The following TBC1D32 variants were observed in gnomAD, a reference collection of about 807,000 sequenced individuals.
TBC1D32 encodes the protein TBC1 domain family member 32.
TBC1D32 carries 151 observed loss-of-function variants against 170.3 expected under a neutral mutation model. The observed-to-expected ratio is 0.89, with a 90% CI of 0.78 to 1.01. The LOEUF is 1.01. Among genes scored for constraint, TBC1D32 ranks in the 50% least tolerant of loss-of-function variants. The probability of loss-of-function intolerance (pLI) is 0.00; values close to 1 mark genes in which losing one functional copy is unlikely to be tolerated. For missense variants in TBC1D32, 1,464 were observed against 1,457.1 expected (o/e 1.00, Z -0.08); for synonymous variants, 498 against 488.0 (o/e 1.02, Z -0.27).
intron 21 of TBC1D32, among the ~76,000 whole-genome samples, chr6:121,220,601 A>C (rs969470647): frequency 2.0e-5 from 3 of 151,500 alleles, no homozygotes; most frequent in Admixed American, 6.6e-5. Context: ...AGCTAAGATA[A>C]TTGATGAAGT....
At chr6:121,099,924 C>CT (rs1228183015) in intron 30 of TBC1D32, among the ~76,000 whole-genome samples, 1 of 151,854 alleles carries the variant, frequency 6.6e-6, no homozygotes, top group East Asian at 1.9e-4. Flanking sequence ...TGGATAGTCT[C>CT]TTTTTAATCA....
rs977925979 is a variant in TBC1D32 at position 121,090,763 on chromosome 6, T to G, written c.3654+90A>C. 5.8e-6 allele frequency: 7 copies of G among 1,197,168 alleles called. No homozygotes were observed. In the African/African-American group the frequency reaches 1.1e-4, roughly 18 times the overall value. The allele number at this position is 1,197,168 out of a possible 1,614,324, so 74.2% of individuals were successfully genotyped here. Reference sequence around the variant, plus strand: ...TACCTCTCACCATTGGTTTTTAGGATTAAATGAGTGCCTAGAAAAAGTATC... The same window carrying G: ...TACCTCTCACCATTGGTTTTTAGGAGTAAATGAGTGCCTAGAAAAAGTATC... On this transcript the variant is annotated intron_variant, in intron 31 of 31. Coordinates refer to ENST00000398212, the MANE Select transcript of TBC1D32 (RefSeq NM_152730.6).
At chr6:121,277,469 C>A (rs1302051447) in intron 15 of TBC1D32, among the ~76,000 whole-genome samples, 11 of 100,276 alleles carry the variant, frequency 1.1e-4, no homozygotes, top group Non-Finnish European at 1.1e-4. Context: ...GCCTGGGCGA[C>A]AGAGAAAGAC....
Position 121,279,221 on chromosome 6 carries a change from C to T in TBC1D32, c.1633G>A (p.Ala545Thr). Reference sequence around the variant, plus strand: ...AAAATACCAGCTATATGAATTAAAGCTGTCTCAGAGCAATTTGGAGATGCC... The same window carrying T: ...AAAATACCAGCTATATGAATTAAAGTTGTCTCAGAGCAATTTGGAGATGCC... ...NEASPNCSET[A>T]LIHIAGILAR... is the part of the protein sequence containing the mutation. Residue 545 changes from alanine (A) to threonine (T), a missense_variant, in exon 15 of 32, where the codon GCT becomes ACT. Physicochemically the swap from Ala to Thr is moderately conservative, Grantham distance 58. This residue lies in a region of TBC1D32 where 1,363 missense variants were observed against 1,338.1 expected (regional missense o/e 1.02). Coordinates refer to ENST00000398212, the MANE Select transcript of TBC1D32 (RefSeq NM_152730.6). 9 of 1,609,048 alleles carry T rather than the reference C, an allele frequency of 5.6e-6. No individual in the cohort carries two copies. The highest frequency in any genetic ancestry group is 7.6e-6 in the Non-Finnish European group (9 of 1,178,268).
chr6:121,098,990 G>T (rs1426386454), intron 30 of TBC1D32, among the ~76,000 whole-genome samples: 1 of 151,822 alleles, frequency 6.6e-6, no homozygotes, highest in Non-Finnish European at 1.5e-5. Flanking sequence ...TTCATATCCT[G>T]CTTTGCATTT....
At chr6:121,114,414 C>T (rs1014116853) in intron 27 of TBC1D32, among the ~76,000 whole-genome samples, 7 of 152,036 alleles carry the variant, frequency 4.6e-5, no homozygotes, top group Admixed American at 2.0e-4. Context: ...CTACGAAGTC[C>T]ATTTCAGAAT....
At chr6:121,211,729 T>A (rs1793090822) in intron 21 of TBC1D32, among the ~76,000 whole-genome samples, 1 of 152,134 alleles carries the variant, frequency 6.6e-6, no homozygotes, top group South Asian at 2.1e-4. Context: ...CCCAGCCCCA[T>A]ACAAGTAAAA....
intron 15 of TBC1D32, among the ~76,000 whole-genome samples, chr6:121,268,756 G>C (rs372173097): frequency 1.3e-4 from 20 of 152,204 alleles, no homozygotes; most frequent in East Asian, 3.9e-4. Flanking sequence ...AGGAAGTACA[G>C]AGAACACCAC....
intron 20 of TBC1D32, among the ~76,000 whole-genome samples, 181 bp downstream of exon 20, chr6:121,238,889 A>G (rs1432596922): frequency 6.6e-6 from 1 of 152,100 alleles, no homozygotes; most frequent in African/African-American, 2.4e-5. Context: ...AAACACTGGG[A>G]TTTCTATCAT....
chr6:121,234,362 C>G (rs1305118027), intron 20 of TBC1D32, among the ~76,000 whole-genome samples: 2 of 152,094 alleles, frequency 1.3e-5, no homozygotes, highest in African/African-American at 2.4e-5. Context: ...TTCTTAGGCT[C>G]AGACATTTAG....
chr6:121,224,844 T>G (rs1237784249), intron 20 of TBC1D32, among the ~76,000 whole-genome samples: 1 of 152,140 alleles, frequency 6.6e-6, no homozygotes. Context: ...GAATTCACAT[T>G]AAACTTATTG....
At chr6:121,306,082 C>T (rs537797803) in intron 5 of TBC1D32, among the ~76,000 whole-genome samples, 7 of 152,174 alleles carry the variant, frequency 4.6e-5, no homozygotes, top group Non-Finnish European at 1.5e-5. Flanking sequence ...TTGCATCCGT[C>T]GTTAGAGAGC....
In TBC1D32 at chr6:121,281,591, T is replaced by C. The variant is rs201680026; in HGVS notation, c.1561A>G (p.Ile521Val). Residue 521 changes from isoleucine (I) to valine (V), a missense_variant, in exon 14 of 32, where the codon ATA becomes GTA. Coordinates refer to ENST00000398212, the MANE Select transcript of TBC1D32 (RefSeq NM_152730.6). ...AVECLYNNIV[I>V]ETLLQPIHNL... ...TGAATAGGCTGAAGAAGTGTCTCTA[T>C]TACAATGTTGTTATATAAGCATTCC... 1.3e-4 allele frequency: 212 copies of C among 1,607,896 alleles called. No individual in the cohort carries two copies. The Middle Eastern group carries it at 2.5e-3, about 19-fold the overall frequency.
intron 21 of TBC1D32, among the ~76,000 whole-genome samples, chr6:121,215,466 C>T (rs552601881): frequency 8.4e-4 from 128 of 152,326 alleles, no homozygotes; most frequent in African/African-American, 3.0e-3. Context: ...AATTTCATGA[C>T]AAAGACGCCA....
At chr6:121,141,637 T>C (rs1021637602) in intron 24 of TBC1D32, among the ~76,000 whole-genome samples, 1 of 152,076 alleles carries the variant, frequency 6.6e-6, no homozygotes, top group Non-Finnish European at 1.5e-5. Context: ...TGAAGAGATA[T>C]AGAAAATAAT....
At chr6:121,242,477 G>T in intron 17 of TBC1D32, 138 bp from the exon 18 acceptor site, 2 of 712,696 alleles carry the variant, frequency 2.8e-6, no homozygotes, top group Non-Finnish European at 4.4e-6. Context: ...ATCAATAAAG[G>T]TTTAAAATTA....
intron 25 of TBC1D32, chr6:121,129,898 A>T: frequency 2.2e-6 from 1 of 452,050 alleles, no homozygotes; most frequent in Non-Finnish European, 4.4e-6. Context: ...GGTATCTCAC[A>T]CAGGAAAAAC....
intron 22 of TBC1D32, among the ~76,000 whole-genome samples, chr6:121,162,309 G>T (rs1348054844): frequency 6.6e-6 from 1 of 152,104 alleles, no homozygotes; most frequent in Non-Finnish European, 1.5e-5. Flanking sequence ...TTTTCTCCAA[G>T]GGTTTTTATA....
At chr6:121,223,171 C>T (rs1794707368) in intron 21 of TBC1D32, 65 bp downstream of exon 21, 4 of 1,071,248 alleles carry the variant, frequency 3.7e-6, no homozygotes, top group Non-Finnish European at 5.3e-6. Context: ...GTCAAATTAC[C>T]TTTTTACTAC....
Sources: allele counts gnomAD v4.1 joint callset (sites outside exome capture counted in the v4.1 genomes callset), GRCh38; gene constraint gnomAD v4.1.1; regional missense constraint gnomAD v4.1.1; transcripts MANE v1.5; gene names NCBI Gene and HGNC (gene_info 2026-07-23, HGNC 2026-07-21).